Variants in SLC9C1 observed in about 807,000 individuals in gnomAD.
SLC9C1 encodes sodium/hydrogen exchanger 10.
In SLC9C1, 97 loss-of-function variants were observed where a neutral mutation model predicts 140.9. The observed-to-expected ratio is 0.69, with a 90% CI of 0.58 to 0.82. The LOEUF (loss-of-function observed/expected upper bound fraction) is 0.82. SLC9C1 is among the 40% of genes least tolerant of loss of function. SLC9C1 has a pLI of 0.00. For synonymous variants in SLC9C1, 440 were observed against 442.6 expected (o/e 0.99, Z 0.07); for missense variants, 1,340 against 1,389.3 (o/e 0.96, Z 0.56).
At chr3:112,216,696 C>A (rs2078381499) in intron 15 of SLC9C1, among the ~76,000 whole-genome samples, 1 of 152,114 alleles carries the variant, frequency 6.6e-6, no homozygotes, top group African/African-American at 2.4e-5. Context: ...TCATTAAAGT[C>A]AGGAAACAAC....
intron 10 of SLC9C1, among the ~76,000 whole-genome samples, chr3:112,253,713 C>A (rs1004504375): frequency 1.3e-5 from 2 of 152,132 alleles, no homozygotes; most frequent in Non-Finnish European, 2.9e-5. Flanking sequence ...CTCAAATGGC[C>A]AGAGTGTCTT....
chr3:112,187,989 GTTAT>G (rs948631257), intron 20 of SLC9C1, among the ~76,000 whole-genome samples: 5 of 151,662 alleles, frequency 3.3e-5, no homozygotes, highest in African/African-American at 1.2e-4. Context: ...TACATATAAT[GTTAT>G]TTATGTTTCC....
chr3:112,256,076 A>C (rs1459897977), intron 10 of SLC9C1, among the ~76,000 whole-genome samples: 1 of 152,072 alleles, frequency 6.6e-6, no homozygotes, highest in African/African-American at 2.4e-5. Context: ...TCCCAAATTG[A>C]ATCAGTAACA....
chr3:112,194,762 G>A (rs2077734936), intron 20 of SLC9C1, among the ~76,000 whole-genome samples: 1 of 150,710 alleles, frequency 6.6e-6, no homozygotes, highest in South Asian at 2.1e-4. Flanking sequence ...GTGTACAAGG[G>A]TTCCAATTTC....
At chr3:112,230,461 A>T (rs147238534) in intron 13 of SLC9C1, among the ~76,000 whole-genome samples, 11 of 152,292 alleles carry the variant, frequency 7.2e-5, no homozygotes, top group African/African-American at 2.2e-4. Context: ...ACAAGTGGAA[A>T]ATCTGCTGGT....
intron 26 of SLC9C1, among the ~76,000 whole-genome samples, chr3:112,166,530 G>A (rs2077139681): frequency 6.6e-6 from 1 of 152,152 alleles, no homozygotes. Context: ...TGTGTTTTCA[G>A]TGCAAGTTTT....
intron 10 of SLC9C1, among the ~76,000 whole-genome samples, chr3:112,257,700 T>C (rs1053448121): frequency 9.9e-5 from 15 of 151,998 alleles, no homozygotes; most frequent in Non-Finnish European, 2.1e-4. Context: ...CTTGATAAAA[T>C]TGATCTAATT....
At chr3:112,148,470 A>AT (rs2074867251) in intron 28 of SLC9C1, among the ~76,000 whole-genome samples, 1 of 151,504 alleles carries the variant, frequency 6.6e-6, no homozygotes, top group Non-Finnish European at 1.5e-5. Context: ...TTTATATTTT[A>AT]TTTTTTCCCT....
intron 6 of SLC9C1, among the ~76,000 whole-genome samples, chr3:112,273,116 C>T (rs1291393576): frequency 1.3e-5 from 2 of 152,070 alleles, no homozygotes; most frequent in African/African-American, 4.8e-5. Context: ...CACAATTGTA[C>T]TTCTTTCAGG....
intron 12 of SLC9C1, among the ~76,000 whole-genome samples, chr3:112,234,287 G>A (rs941438706): frequency 2.6e-5 from 4 of 152,202 alleles, no homozygotes; most frequent in Non-Finnish European, 5.9e-5. Flanking sequence ...CTTCTTTTGA[G>A]AAGTGTCTGT....
intron 1 of SLC9C1, among the ~76,000 whole-genome samples, chr3:112,289,588 A>G (rs2080618233): frequency 6.6e-6 from 1 of 152,102 alleles, no homozygotes; most frequent in African/African-American, 2.4e-5. Context: ...TCTGATGTTG[A>G]TGTTCTGTGG....
chr3:112,288,285 G>A lies in SLC9C1; in HGVS notation c.-87-1407C>T, dbSNP rs868451460. 2.7e-4 allele frequency among the ~76,000 whole-genome samples: 41 copies of A among 152,182 alleles called. No individual in the cohort carries two copies. The Middle Eastern group carries it at 0.017, about 63-fold the overall frequency. ...TATGTAAACAAGTATTTCAAAAGCAGAAGAGAAATGACCCAAAATCATATC... is the reference window on the plus strand; with the variant it reads ...TATGTAAACAAGTATTTCAAAAGCAAAAGAGAAATGACCCAAAATCATATC... On this transcript the variant is annotated intron_variant, in intron 1 of 28. Transcript: ENST00000305815.
intron 6 of SLC9C1, among the ~76,000 whole-genome samples, chr3:112,274,229 G>T (rs1051383991): frequency 6.6e-6 from 1 of 152,038 alleles, no homozygotes; most frequent in Non-Finnish European, 1.5e-5. Flanking sequence ...TTCTAGGGAT[G>T]GTGGTAACAT....
At chr3:112,169,608 G>A (rs1449189036) in intron 23 of SLC9C1, among the ~76,000 whole-genome samples, 1 of 152,104 alleles carries the variant, frequency 6.6e-6, no homozygotes, top group African/African-American at 2.4e-5. Context: ...TTGTAAACCA[G>A]TTTCATGCTG....
rs1054367090 is a variant in SLC9C1 at position 112,219,106 on chromosome 3, T to C, written c.1671-1545A>G. ...AAAGTGTTTAAAACTGTACCTGGTA[T>C]GACACTCAATAAAAAGAAACTATGT... On this transcript the variant is annotated intron_variant, in intron 14 of 28. Coordinates refer to ENST00000305815, the MANE Select transcript of SLC9C1 (RefSeq NM_183061.3). 3.9e-5 allele frequency among the ~76,000 whole-genome samples: 6 copies of C among 152,370 alleles called. No homozygotes were observed. The East Asian group carries it at 1.2e-3, about 29-fold the overall frequency.
At chr3:112,174,339 A>G (rs1442416026) in intron 23 of SLC9C1, among the ~76,000 whole-genome samples, 2 of 152,108 alleles carry the variant, frequency 1.3e-5, no homozygotes, top group Non-Finnish European at 2.9e-5. Context: ...AGGATTTTTC[A>G]TGCTGGGGAT....
intron 2 of SLC9C1, among the ~76,000 whole-genome samples, chr3:112,285,789 T>C (rs1477859830): frequency 6.6e-6 from 1 of 151,994 alleles, no homozygotes; most frequent in African/African-American, 2.4e-5. Context: ...TTCTTTGAGA[T>C]AGGATCTAGC....
At chr3:112,276,423 C>T (rs1014388144) in intron 5 of SLC9C1, among the ~76,000 whole-genome samples, 1 of 151,572 alleles carries the variant, frequency 6.6e-6, no homozygotes, top group Non-Finnish European at 1.5e-5. Flanking sequence ...CACACACATA[C>T]ACATATATAC....
At position 112,202,303 on chromosome 3, in the gene SLC9C1, C is replaced by T. The variant is rs1560058859; in HGVS notation, c.2269G>A (p.Ala757Thr). Reference sequence around the variant, plus strand: ...TGATCAATTATGGTCATTATGTCTGCTTCGCCTTGGACATAGCCTTTTAGT... The same window carrying T: ...TGATCAATTATGGTCATTATGTCTGTTTCGCCTTGGACATAGCCTTTTAGT... ...GILKGYVQGE[A>T]DIMTIIDQIT... is the part of the protein sequence containing the mutation. Residue 757 changes from alanine (A) to threonine (T), a missense_variant, in exon 18 of 29, where the codon GCA becomes ACA. By Grantham distance (58) the Ala-to-Thr change is moderately conservative. Transcript: ENST00000305815. 1 of 1,611,438 alleles carries T rather than the reference C, an allele frequency of 6.2e-7. No homozygotes were observed.
Sources: gnomAD v4.1 joint callset for allele counts (sites outside exome capture counted in the v4.1 genomes callset) on GRCh38, gnomAD v4.1.1 for gene constraint, MANE v1.5 for transcripts, NCBI Gene and HGNC (gene_info 2026-07-23, HGNC 2026-07-21) for gene names.